CCDC15: variants seen among roughly 807,000 people sequenced by gnomAD.
CCDC15 encodes coiled-coil domain containing 15.
Under a neutral mutation model 114.5 loss-of-function variants are expected in CCDC15, and 105 were observed. The observed-to-expected ratio is 0.92, with a 90% CI of 0.78 to 1.08. The LOEUF is 1.08. CCDC15 is among the 50% of genes least tolerant of loss of function. The pLI, the probability that CCDC15 is intolerant of heterozygous loss-of-function variation, is 0.00. For missense variants in CCDC15, 1,105 were observed against 1,093.6 expected, an observed-to-expected ratio of 1.01 and a Z score of -0.15; for synonymous variants, 334 against 377.8, an observed-to-expected ratio of 0.88 and a Z score of 1.34.
Position 124,987,377 on chromosome 11 carries a change from T to C in CCDC15, c.1151T>C (p.Ile384Thr). The C allele has an allele frequency of 6.2e-7, 1 of 1,613,996 alleles. No homozygotes were observed. Among genetic ancestry groups the C allele is most frequent in the Non-Finnish European group, 8.5e-7 (1 of 1,179,888 alleles). The change falls in exon 8 of 16, where the codon ATT (isoleucine) becomes ACT (threonine). Residue 384 changes from isoleucine (I) to threonine (T), a missense_variant. Ile to Thr is a moderately conservative substitution (Grantham distance 89). Transcript: ENST00000344762. ...GCCATTGAGCCAGAAGGCCAGCCTA[T>C]TAAGACAGAAACTCAGGGTATTATG... ...GQAIEPEGQP[I>T]KTETQGIMLK...
intron 5 of CCDC15, among the ~76,000 whole-genome samples, chr11:124,975,742 G>A (rs2135459773): frequency 6.6e-6 from 1 of 152,198 alleles, no homozygotes; most frequent in East Asian, 1.9e-4. Flanking sequence ...GGTACAAATG[G>A]CACAAGAGGC....
At chr11:125,011,923 A>C (rs1008200271) in intron 13 of CCDC15, among the ~76,000 whole-genome samples, 2 of 152,010 alleles carry the variant, frequency 1.3e-5, no homozygotes, top group African/African-American at 4.8e-5. Context: ...CCTCCAGTCC[A>C]CCCCCTTTCT....
intron 6 of CCDC15, among the ~76,000 whole-genome samples, chr11:124,983,342 T>C (rs542966645): frequency 1.3e-5 from 2 of 152,220 alleles, no homozygotes; most frequent in African/African-American, 2.4e-5. Flanking sequence ...GTGCAGTCAT[T>C]TGAGGTAAGA....
chr11:125,016,747 G>A (rs1202634792), intron 13 of CCDC15, among the ~76,000 whole-genome samples: 1 of 152,174 alleles, frequency 6.6e-6, no homozygotes, highest in African/African-American at 2.4e-5. Flanking sequence ...TGCTGTGGGT[G>A]TTTTATGTCT....
chr11:125,035,989 CACTCAAGAT>C (rs1335842362), intron 13 of CCDC15, among the ~76,000 whole-genome samples: 2 of 150,960 alleles, frequency 1.3e-5, no homozygotes, highest in Non-Finnish European at 3.0e-5. Context: ...TTAGTCTTCC[CACTCAAGAT>C]ATGAGTAGCT....
intron 4 of CCDC15, among the ~76,000 whole-genome samples, chr11:124,969,191 T>G (rs1480349041): frequency 9.9e-5 from 15 of 152,192 alleles, no homozygotes; most frequent in African/African-American, 3.6e-4. Context: ...ATTTGGCCAC[T>G]AGTGCTCTTA....
intron 8 of CCDC15, among the ~76,000 whole-genome samples, chr11:124,989,918 AG>A (rs1327888106): frequency 1.3e-5 from 2 of 152,218 alleles, no homozygotes; most frequent in Admixed American, 6.5e-5. Flanking sequence ...ATCAGCAATA[AG>A]GCTATTTTGC....
Position 124,987,962 on chromosome 11 carries a change from T to A in CCDC15, c.1736T>A (p.Ile579Lys), listed in dbSNP as rs776974998. ...CCCAAAGACCAAAATATTCTACCCA[T>A]ATGTCAGGACCAGGATTTTCTACCC... ...VLPKDQNILP[I>K]CQDQDFLPRD... The change falls in exon 8 of 16, where the codon ATA (isoleucine) becomes AAA (lysine). Residue 579 changes from isoleucine (I) to lysine (K), a missense_variant. Transcript: ENST00000344762. The A allele has an allele frequency of 6.2e-7, 1 of 1,613,280 alleles. No homozygotes were observed. The highest frequency in any genetic ancestry group is 8.5e-7 in the Non-Finnish European group (1 of 1,179,672).
Position 124,987,454 on chromosome 11 carries a change from C to T in CCDC15, c.1228C>T (p.Gln410Ter), listed in dbSNP as rs1168607497. 1.3e-5 allele frequency: 21 copies of T among 1,613,860 alleles called. No individual in the cohort carries two copies. In the Admixed American group the frequency reaches 3.0e-4, roughly 23 times the overall value. The change falls in exon 8 of 16, where the codon CAG becomes TAG. Residue 410 changes from glutamine to a stop codon, truncating the protein, a stop_gained. Coordinates refer to ENST00000344762, the MANE Select transcript of CCDC15 (RefSeq NM_025004.3). LOFTEE classifies it high-confidence loss of function. ...LEEGSIVLKT[Q>*]DFLPTNQALL... ...AGAAGGGAGTATTGTGTTGAAAACC[C>T]AGGATTTTCTACCCACAAATCAGGC...
intron 9 of CCDC15, 46 bp downstream of exon 9, chr11:124,991,629 T>G: frequency 6.7e-7 from 1 of 1,494,248 alleles, no homozygotes; most frequent in South Asian, 1.3e-5. Context: ...GTACCCAGGT[T>G]TTATAAATCC....
chr11:124,956,148 CTTTG>C (rs59076658), intron 2 of CCDC15, among the ~76,000 whole-genome samples: 26,619 of 151,880 alleles, frequency 0.18, 2,519 homozygotes, highest in African/African-American at 0.24. Context: ...AAGGGATTGA[CTTTG>C]TTTAATATTT....
chr11:124,981,467 C>T (rs1318711517), intron 6 of CCDC15, among the ~76,000 whole-genome samples: 3 of 152,154 alleles, frequency 2.0e-5, no homozygotes, highest in Admixed American at 6.5e-5. Flanking sequence ...GCCTCAGCCT[C>T]CTGAGTAGCT....
chr11:125,002,009 T>C (rs1421522278), intron 11 of CCDC15, among the ~76,000 whole-genome samples: 2 of 152,158 alleles, frequency 1.3e-5, no homozygotes, highest in Non-Finnish European at 2.9e-5. Context: ...GCACCATTTT[T>C]CATTCCCACC....
At chr11:125,000,054 G>T (rs1948450781) in intron 11 of CCDC15, among the ~76,000 whole-genome samples, 1 of 151,400 alleles carries the variant, frequency 6.6e-6, no homozygotes, top group South Asian at 2.1e-4. Flanking sequence ...GTGGAAACGG[G>T]GTTTCACCAT....
intron 11 of CCDC15, among the ~76,000 whole-genome samples, chr11:125,002,253 G>A (rs370780708): frequency 7.9e-5 from 12 of 152,176 alleles, no homozygotes; most frequent in South Asian, 2.1e-4. Flanking sequence ...GGTTATTTGC[G>A]TTATGATTAT....
rs1244579922 is a variant in CCDC15 at position 124,987,591 on chromosome 11, T to C, written c.1365T>C (p.His455=). 3 of 1,614,036 alleles carry C rather than the reference T, an allele frequency of 1.9e-6. No individual in the cohort carries two copies. Among genetic ancestry groups the C allele is most frequent in the Middle Eastern group, 1.6e-4 (1 of 6,062 alleles). The stretch of plus-strand genomic sequence containing the variant: ...AGGACTTCCTACCCAGAGACCAGCA[T>C]GTTCTCCACAAAGACCAAGATATTC... The part of the protein sequence containing the change: ...QDQDFLPRDQ[H]VLHKDQDILP... The change falls in exon 8 of 16, where the codon CAT becomes CAC. Residue 455 remains histidine (H), a synonymous_variant. Coordinates refer to ENST00000344762, the MANE Select transcript of CCDC15 (RefSeq NM_025004.3).
intron 15 of CCDC15, 64 bp downstream of exon 15, chr11:125,039,133 T>A (rs1948798205): frequency 7.0e-7 from 1 of 1,427,678 alleles, no homozygotes; most frequent in African/African-American, 1.4e-5. Flanking sequence ...AGAGTAGTGG[T>A]AATAGTAATT....
chr11:124,956,856 G>A (rs1359567442), intron 2 of CCDC15, among the ~76,000 whole-genome samples: 5 of 152,254 alleles, frequency 3.3e-5, no homozygotes, highest in African/African-American at 1.2e-4. Context: ...AATAAATGCT[G>A]AATAGTTACT....
At chr11:124,990,154 T>C (rs1014872902) in intron 8 of CCDC15, among the ~76,000 whole-genome samples, 2 of 152,168 alleles carry the variant, frequency 1.3e-5, no homozygotes, top group Admixed American at 6.5e-5. Flanking sequence ...GGGTTATTAA[T>C]TGGCCTAATT....
Sources: gnomAD v4.1 joint callset for allele counts (sites outside exome capture counted in the v4.1 genomes callset) on GRCh38, gnomAD v4.1.1 for gene constraint, MANE v1.5 for transcripts, NCBI Gene and HGNC (gene_info 2026-07-23, HGNC 2026-07-21) for gene names.